The following NRXN3 variants were observed in gnomAD, a reference collection of about 807,000 sequenced individuals.
NRXN3 encodes neurexin III.
NRXN3 carries 32 observed loss-of-function variants against 137.6 expected under a neutral mutation model. That is an observed-to-expected ratio of 0.23 (90% confidence interval 0.18 to 0.31). NRXN3 has a LOEUF of 0.31. NRXN3 is among the 10% of genes least tolerant of loss of function. The pLI is 1.00. For synonymous variants in NRXN3, 798 were observed against 784.5 expected (o/e 1.02, Z -0.29); for missense variants, 1,574 against 2,062.5 (o/e 0.76, Z 4.59).
intron 15 of NRXN3, among the ~76,000 whole-genome samples, chr14:79,272,989 GGT>G (rs1350574139): frequency 6.6e-6 from 1 of 151,718 alleles, no homozygotes; most frequent in Non-Finnish European, 1.5e-5. Flanking sequence ...TGGCTAACAT[GGT>G]GAAACCCCAT....
intron 6 of NRXN3, among the ~76,000 whole-genome samples, chr14:78,688,786 G>C (rs2098143703): frequency 6.6e-6 from 1 of 152,058 alleles, no homozygotes; most frequent in African/African-American, 2.4e-5. Context: ...GCATAAACAT[G>C]GAGGAGCCCT....
intron 8 of NRXN3, among the ~76,000 whole-genome samples, chr14:78,762,557 C>T (rs1306698942): frequency 6.6e-6 from 1 of 152,146 alleles, no homozygotes; most frequent in Non-Finnish European, 1.5e-5. Context: ...GAGGTGTCAA[C>T]ACATGGGGGT....
intron 19 of NRXN3, among the ~76,000 whole-genome samples, chr14:79,782,504 T>A (rs1859993320): frequency 1.3e-5 from 2 of 152,232 alleles, no homozygotes; most frequent in South Asian, 4.1e-4. Flanking sequence ...TTAGATCAAT[T>A]TCACCCATTG....
intron 16 of NRXN3, among the ~76,000 whole-genome samples, chr14:79,506,051 A>C (rs777244052): frequency 3.6e-4 from 55 of 152,338 alleles, no homozygotes; most frequent in Non-Finnish European, 6.3e-4. Flanking sequence ...AGAATCAAGA[A>C]TTCATGGTTG....
chr14:78,865,275 T>C (rs1274434897), intron 10 of NRXN3, among the ~76,000 whole-genome samples: 1 of 152,222 alleles, frequency 6.6e-6, no homozygotes, highest in Non-Finnish European at 1.5e-5. Context: ...TTGAAATATA[T>C]TGTATTAACA....
chr14:78,401,191 G>A (rs1020151643), intron 4 of NRXN3, among the ~76,000 whole-genome samples: 6 of 151,918 alleles, frequency 3.9e-5, no homozygotes, highest in South Asian at 2.1e-4. Flanking sequence ...TTGGGATGGC[G>A]TCTTTCTCTG....
chr14:78,207,665 G>T (rs2062341461), intron 1 of NRXN3, among the ~76,000 whole-genome samples: 2 of 151,936 alleles, frequency 1.3e-5, no homozygotes, highest in Admixed American at 1.3e-4. Context: ...ATCTGAGCTG[G>T]AAAGGTGGAA....
At chr14:79,700,269 G>T (rs1368929983) in intron 19 of NRXN3, among the ~76,000 whole-genome samples, 1 of 152,000 alleles carries the variant, frequency 6.6e-6, no homozygotes, top group Non-Finnish European at 1.5e-5. Context: ...ACTTTTCTTA[G>T]ATGAGGAGGA....
At chr14:79,483,516 C>A (rs1296631161) in intron 16 of NRXN3, among the ~76,000 whole-genome samples, 1 of 152,170 alleles carries the variant, frequency 6.6e-6, no homozygotes. Context: ...ACAAAGAATT[C>A]TCCTATGGTA....
At chr14:78,303,991 G>T (rs1480289717) in intron 4 of NRXN3, among the ~76,000 whole-genome samples, 1 of 152,180 alleles carries the variant, frequency 6.6e-6, no homozygotes. Flanking sequence ...TTAAGTAATG[G>T]TTTAACTGAA....
chr14:78,934,482 C>G (rs1447595854), intron 10 of NRXN3, among the ~76,000 whole-genome samples: 1 of 152,148 alleles, frequency 6.6e-6, no homozygotes, highest in East Asian at 1.9e-4. Context: ...AGCAAGAGTG[C>G]TGTTTCTGAG....
At chr14:78,925,595 C>T (rs1423199999) in intron 10 of NRXN3, among the ~76,000 whole-genome samples, 2 of 152,170 alleles carry the variant, frequency 1.3e-5, no homozygotes, top group Non-Finnish European at 2.9e-5. Flanking sequence ...CTGAAAGGAA[C>T]GTGCCAATTA....
chr14:78,531,002 C>T (rs2096454474), intron 4 of NRXN3, among the ~76,000 whole-genome samples: 1 of 152,194 alleles, frequency 6.6e-6, no homozygotes, highest in South Asian at 2.1e-4. Context: ...CTCCTGGACT[C>T]TGTAAGTAGC....
chr14:78,999,560 T>G (rs1048290546), intron 15 of NRXN3, among the ~76,000 whole-genome samples: 1 of 152,156 alleles, frequency 6.6e-6, no homozygotes, highest in Non-Finnish European at 1.5e-5. Flanking sequence ...AGAAATGCTT[T>G]TAGGCATATG....
rs1157168393 is a variant in NRXN3, at chr14:78,633,446, C to CT, written c.758-11673dup. Among the ~76,000 whole-genome samples the CT allele has an allele frequency of 3.3e-5, 5 of 152,120 alleles. 1 individual carries two copies. The South Asian group carries it at 6.2e-4, about 19-fold the overall frequency. ...AAGTCTGCATCCATTTTAGAGAACT[C>CT]TCCCTCCCCACTCCCCTTCAACATA... On this transcript the variant is annotated intron_variant, in intron 4 of 20. Transcript: ENST00000335750.
intron 1 of NRXN3, among the ~76,000 whole-genome samples, chr14:78,204,821 AT>A (rs1436088662): frequency 6.6e-6 from 1 of 152,244 alleles, no homozygotes; most frequent in African/African-American, 2.4e-5. Flanking sequence ...ATACATGGCA[AT>A]AAAGAGCCGT....
At chr14:79,757,429 GT>G (rs1220185877) in intron 19 of NRXN3, among the ~76,000 whole-genome samples, 1 of 152,108 alleles carries the variant, frequency 6.6e-6, no homozygotes, top group Non-Finnish European at 1.5e-5. Context: ...TCACTGATGG[GT>G]TTCCTGATAT....
intron 15 of NRXN3, among the ~76,000 whole-genome samples, chr14:79,006,572 CT>C (rs138018007): frequency 0.065 from 9,891 of 151,120 alleles, 949 homozygotes; most frequent in African/African-American, 0.21. Flanking sequence ...ATAGCCTTAG[CT>C]TTTTTTTTGT....
intron 8 of NRXN3, among the ~76,000 whole-genome samples, chr14:78,768,759 C>A (rs182240027): frequency 6.6e-6 from 1 of 152,076 alleles, no homozygotes; most frequent in Non-Finnish European, 1.5e-5. Context: ...AGAGTTTGGA[C>A]GCTAAAATGC....
Sources: allele counts gnomAD v4.1 joint callset (sites outside exome capture counted in the v4.1 genomes callset), GRCh38; gene constraint gnomAD v4.1.1; transcripts MANE v1.5; gene names NCBI Gene and HGNC (gene_info 2026-07-23, HGNC 2026-07-21).